HECW2: variants seen among roughly 807,000 people sequenced by gnomAD.
HECW2 encodes E3 ubiquitin-protein ligase HECW2.
HECW2 carries 61 observed loss-of-function variants against 175.2 expected under a neutral mutation model. The observed-to-expected ratio is 0.35, with a 90% CI of 0.28 to 0.43. HECW2 has a LOEUF of 0.43. Among genes scored for constraint, HECW2 ranks in the 20% least tolerant of loss-of-function variants. The probability of loss-of-function intolerance (pLI) is 1.00; values close to 1 mark genes in which losing one functional copy is unlikely to be tolerated. For missense variants in HECW2, 1,524 were observed against 2,000.5 expected, an observed-to-expected ratio of 0.76 and a Z score of 4.54; for synonymous variants, 671 against 731.0, an observed-to-expected ratio of 0.92 and a Z score of 1.32.
intron 2 of HECW2, among the ~76,000 whole-genome samples, chr2:196,376,973 T>G (rs972911364): frequency 3.3e-5 from 5 of 152,096 alleles, no homozygotes; most frequent in African/African-American, 4.8e-5. Context: ...AATGAATTAA[T>G]TAAGATCGTT....
At chr2:196,240,347 G>T in intron 21 of HECW2, 102 bp downstream of exon 21, 1 of 792,118 alleles carries the variant, frequency 1.3e-6, no homozygotes, top group Non-Finnish European at 2.0e-6. Context: ...AGCACTTCCT[G>T]GCAGAAGGAT....
chr2:196,344,728 G>A (rs185719812), intron 2 of HECW2, among the ~76,000 whole-genome samples: 50 of 152,324 alleles, frequency 3.3e-4, no homozygotes, highest in Non-Finnish European at 4.0e-4. Flanking sequence ...AATGCCAGAT[G>A]TACCTCATTT....
intron 1 of HECW2, among the ~76,000 whole-genome samples, chr2:196,509,021 T>C (rs1170121470): frequency 6.6e-6 from 1 of 152,104 alleles, no homozygotes; most frequent in African/African-American, 2.4e-5. Flanking sequence ...TGAGCTGAGA[T>C]TGCACCACTG....
chr2:196,273,906 T>A, intron 16 of HECW2, 115 bp downstream of exon 16: 1 of 683,114 alleles, frequency 1.5e-6, no homozygotes, highest in African/African-American at 1.8e-5. Context: ...ATGCAGCAAT[T>A]TCTCAATATA....
intron 1 of HECW2, among the ~76,000 whole-genome samples, chr2:196,557,243 A>G (rs1689827329): frequency 6.6e-6 from 1 of 152,046 alleles, no homozygotes; most frequent in Admixed American, 6.6e-5. Flanking sequence ...TAAACATACA[A>G]AATTAGCAGG....
At chr2:196,365,054 T>C (rs1311803835) in intron 2 of HECW2, among the ~76,000 whole-genome samples, 1 of 152,224 alleles carries the variant, frequency 6.6e-6, no homozygotes, top group Non-Finnish European at 1.5e-5. Flanking sequence ...CACCTGATTA[T>C]TACAGTTTTC....
In HECW2 at chr2:196,219,822, C is replaced by T. The variant is rs139813025; in HGVS notation, c.4408+217G>A. Among the ~76,000 whole-genome samples the T allele has an allele frequency of 8.3e-3, 1,261 of 152,250 alleles. 22 individuals carry two copies. Among genetic ancestry groups the T allele is most frequent in the African/African-American group, 0.029 (1,201 of 41,530 alleles). On this transcript the variant is annotated intron_variant, in intron 26 of 28. Coordinates refer to ENST00000644978, the MANE Select transcript of HECW2 (RefSeq NM_001348768.2). ...CACCAACAATTAAGAGTTATGACAT[C>T]CTTTGACGGTGTGTAAACAGTCCTT...
chr2:196,466,202 T>C (rs1456596622), intron 1 of HECW2, among the ~76,000 whole-genome samples: 1 of 152,244 alleles, frequency 6.6e-6, no homozygotes, highest in African/African-American at 2.4e-5. Context: ...TATTAATATT[T>C]GGCTCCAGAG....
At chr2:196,589,856 G>A (rs1271363773) in intron 1 of HECW2, among the ~76,000 whole-genome samples, 1 of 152,170 alleles carries the variant, frequency 6.6e-6, no homozygotes, top group Non-Finnish European at 1.5e-5. Context: ...AATTCATATT[G>A]TGCTTGAAGA....
chr2:196,234,927 G>A (rs1176779796), intron 21 of HECW2, among the ~76,000 whole-genome samples: 1 of 152,098 alleles, frequency 6.6e-6, no homozygotes, highest in Non-Finnish European at 1.5e-5. Flanking sequence ...AAATTTTCAT[G>A]ACTAAAGCAA....
At chr2:196,374,531 A>G (rs1693996397) in intron 2 of HECW2, among the ~76,000 whole-genome samples, 1 of 152,218 alleles carries the variant, frequency 6.6e-6, no homozygotes, top group Admixed American at 6.5e-5. Flanking sequence ...AATACAGGAA[A>G]AAAATGAAGG....
chr2:196,362,042 C>T, intron 2 of HECW2: 2 of 985,270 alleles, frequency 2.0e-6, no homozygotes, highest in Non-Finnish European at 2.4e-6. Context: ...TCTTCCTCTT[C>T]CCCCAAAGTT....
chr2:196,350,175 C>T (rs2375847), intron 2 of HECW2, among the ~76,000 whole-genome samples: 40,154 of 151,940 alleles, frequency 0.26, 6,949 homozygotes, highest in African/African-American at 0.49. Flanking sequence ...ATCAGCCTGG[C>T]TAACATGGTG....
intron 1 of HECW2, among the ~76,000 whole-genome samples, chr2:196,437,980 G>C (rs572857272): frequency 5.9e-5 from 9 of 152,324 alleles, no homozygotes; most frequent in African/African-American, 2.2e-4. Context: ...GGCATGTGGG[G>C]AGGGCAACAT....
intron 18 of HECW2, among the ~76,000 whole-genome samples, chr2:196,255,147 ATTTTTTTTT>A: frequency 1.0e-5 from 1 of 95,428 alleles, no homozygotes; most frequent in East Asian, 3.3e-4. Flanking sequence ...TAATTTTTCT[ATTTTTTTTT>A]TTTTTTTTTT....
chr2:196,456,146 A>C (rs1181429506), intron 1 of HECW2, among the ~76,000 whole-genome samples: 1 of 152,156 alleles, frequency 6.6e-6, no homozygotes, highest in African/African-American at 2.4e-5. Context: ...GGAATACTGA[A>C]GTCACAAAAC....
chr2:196,317,546 G>C (rs1000554539), intron 9 of HECW2, among the ~76,000 whole-genome samples, 177 bp from the exon 10 acceptor site: 1 of 152,106 alleles, frequency 6.6e-6, no homozygotes, highest in Non-Finnish European at 1.5e-5. Flanking sequence ...GCTTAGAAGA[G>C]GGCTTCCTGA....
At chr2:196,560,885 G>A (rs530217914) in intron 1 of HECW2, among the ~76,000 whole-genome samples, 8 of 152,172 alleles carry the variant, frequency 5.3e-5, no homozygotes, top group Non-Finnish European at 7.4e-5. Context: ...TGTCATCTTC[G>A]TAAGCTGAGG....
intron 9 of HECW2, 79 bp downstream of exon 9, chr2:196,318,473 A>G: frequency 7.3e-7 from 1 of 1,369,884 alleles, no homozygotes; most frequent in Non-Finnish European, 9.5e-7. Context: ...AGCCTTATTT[A>G]CATTGAGGGG....
Sources: allele counts gnomAD v4.1 joint callset (sites outside exome capture counted in the v4.1 genomes callset), GRCh38; gene constraint gnomAD v4.1.1; transcripts MANE v1.5; gene names NCBI Gene and HGNC (gene_info 2026-07-23, HGNC 2026-07-21).